The following NUP93 variants were observed in gnomAD, a reference collection of about 807,000 sequenced individuals.
NUP93 encodes the protein nucleoporin 93, also known as nuclear pore complex protein Nup93.
Under a neutral mutation model 107.8 loss-of-function variants are expected in NUP93, and 55 were observed. The observed-to-expected ratio is 0.51, with a 90% CI of 0.41 to 0.64. The LOEUF is 0.64. NUP93 is among the 30% of genes least tolerant of loss of function. The probability of loss-of-function intolerance (pLI) is 0.00; values close to 1 mark genes in which losing one functional copy is unlikely to be tolerated. For missense variants in NUP93, 937 were observed against 1,044.7 expected (o/e 0.90, Z 1.42); for synonymous variants, 390 against 397.5 (o/e 0.98, Z 0.22).
At chr16:56,795,868 A>G (rs1962886185) in intron 3 of NUP93, among the ~76,000 whole-genome samples, 1 of 152,064 alleles carries the variant, frequency 6.6e-6, no homozygotes, top group African/African-American at 2.4e-5. Flanking sequence ...GATGGTCTCG[A>G]ACTCCTGACC....
chr16:56,809,153 C>G (rs1327668912), intron 5 of NUP93, among the ~76,000 whole-genome samples: 1 of 152,114 alleles, frequency 6.6e-6, no homozygotes, highest in Non-Finnish European at 1.5e-5. Flanking sequence ...AAGATTGTCT[C>G]CCTTTATCTG....
chr16:56,777,022 G>T (rs564554291), intron 3 of NUP93, among the ~76,000 whole-genome samples: 1 of 151,728 alleles, frequency 6.6e-6, no homozygotes, highest in African/African-American at 2.4e-5. Context: ...GAGAGTGAGC[G>T]TGTGTGTGTG....
intron 8 of NUP93, among the ~76,000 whole-genome samples, chr16:56,824,668 C>T (rs1177700920): frequency 2.6e-5 from 4 of 152,194 alleles, no homozygotes; most frequent in African/African-American, 9.7e-5. Context: ...TGCCTTTTGT[C>T]AATAAAACGA....
At chr16:56,750,333 A>G (rs142260304) in intron 2 of NUP93, among the ~76,000 whole-genome samples, 22 of 152,340 alleles carry the variant, frequency 1.4e-4, no homozygotes, top group Non-Finnish European at 1.0e-4. Flanking sequence ...TGTGGTGTGA[A>G]TATTTTAGTA....
chr16:56,793,588 G>A (rs1962817328), intron 3 of NUP93, among the ~76,000 whole-genome samples: 1 of 152,118 alleles, frequency 6.6e-6, no homozygotes, highest in Admixed American at 6.5e-5. Context: ...CACAGGAGAA[G>A]GAGTTTGGAG....
At chr16:56,807,535 C>T (rs1963169182) in intron 5 of NUP93, among the ~76,000 whole-genome samples, 1 of 152,114 alleles carries the variant, frequency 6.6e-6, no homozygotes, top group South Asian at 2.1e-4. Context: ...TGTAGATGCT[C>T]AGGAAATATT....
chr16:56,811,845 G>A (rs1963322682), intron 5 of NUP93, among the ~76,000 whole-genome samples: 1 of 152,182 alleles, frequency 6.6e-6, no homozygotes, highest in Non-Finnish European at 1.5e-5. Context: ...CCAGTGCCTA[G>A]CATAGTGTAC....
rs564789665 is a variant in NUP93 at position 56,845,877 on chromosome 16, C to T, written c.*1268C>T. Reference sequence around the variant, plus strand: ...AAGAAATAATCTGTAGATAATGGAACCAACTGCTGCTTATCGGTAGGATTC... The same window carrying T: ...AAGAAATAATCTGTAGATAATGGAATCAACTGCTGCTTATCGGTAGGATTC... On this transcript the variant is annotated 3_prime_UTR_variant, in exon 22 of 22. Coordinates refer to ENST00000308159, the MANE Select transcript of NUP93 (RefSeq NM_014669.5). 3 of 152,322 alleles carry T rather than the reference C, an allele frequency of 2.0e-5. No individual in the cohort carries two copies. The South Asian group carries it at 6.2e-4, about 32-fold the overall frequency. 9.4% of individuals were successfully genotyped at this position (152,322 alleles called of 1,614,324 possible). A position where few individuals can be genotyped will look rare whatever the true frequency, so the allele number is the denominator to read the frequency against.
At chr16:56,762,892 G>A (rs1268372010) in intron 3 of NUP93, among the ~76,000 whole-genome samples, 1 of 152,110 alleles carries the variant, frequency 6.6e-6, no homozygotes, top group East Asian at 1.9e-4. Context: ...TCTTCCTTGT[G>A]TGTGTCAGGT....
At chr16:56,809,372 T>C (rs890122387) in intron 5 of NUP93, among the ~76,000 whole-genome samples, 6 of 151,650 alleles carry the variant, frequency 4.0e-5, no homozygotes, top group African/African-American at 1.5e-4. Context: ...TTAGTGATAA[T>C]GTAAAGCACC....
chr16:56,833,290 C>G lies in NUP93; in HGVS notation c.1421C>G (p.Ala474Gly). Residue 474 changes from alanine (A) to glycine (G), a missense_variant, in exon 13 of 22, where the codon GCA becomes GGA. By Grantham distance (60) the Ala-to-Gly change is moderately conservative. Transcript: ENST00000308159. ...QVLFLTAQFE[A>G]AVAFLFRMER... ...CTGTTCCTGACAGCGCAGTTTGAAG[C>G]AGCAGTTGCCTTTCTTTTCCGCATG... The G allele has an allele frequency of 6.2e-7, 1 of 1,607,250 alleles. No homozygotes were observed. The highest frequency in any genetic ancestry group is 8.5e-7 in the Non-Finnish European group (1 of 1,177,866).
chr16:56,833,618 A>G (rs1370619340), intron 13 of NUP93, among the ~76,000 whole-genome samples: 2 of 134,792 alleles, frequency 1.5e-5, no homozygotes, highest in Non-Finnish European at 3.1e-5. Flanking sequence ...AAAGTTAAGT[A>G]TATAAAGTGA....
intron 8 of NUP93, among the ~76,000 whole-genome samples, chr16:56,824,649 C>T (rs1963620215): frequency 6.6e-6 from 1 of 152,220 alleles, no homozygotes; most frequent in Non-Finnish European, 1.5e-5. Context: ...AGCAGCCTTG[C>T]AGTAAGATTG....
intron 3 of NUP93, among the ~76,000 whole-genome samples, chr16:56,771,352 A>C (rs912646626): frequency 6.6e-6 from 1 of 152,204 alleles, no homozygotes; most frequent in Non-Finnish European, 1.5e-5. Flanking sequence ...TAAAAGGTGG[A>C]ACTTGAACCC....
intron 1 of NUP93, among the ~76,000 whole-genome samples, chr16:56,735,987 A>G (rs928727418): frequency 2.0e-5 from 3 of 152,176 alleles, no homozygotes; most frequent in Non-Finnish European, 2.9e-5. Flanking sequence ...TGGGGATGAA[A>G]GCAATAGTTA....
intron 3 of NUP93, among the ~76,000 whole-genome samples, chr16:56,792,056 T>C (rs1231771982): frequency 6.6e-6 from 1 of 152,218 alleles, no homozygotes; most frequent in Non-Finnish European, 1.5e-5. Context: ...GGCAAGAATG[T>C]ATAATCCCAG....
At chr16:56,741,745 A>G (rs1961743756) in intron 1 of NUP93, 1 of 152,008 alleles carries the variant, frequency 6.6e-6, no homozygotes, top group South Asian at 2.1e-4. Context: ...GACAACATCA[A>G]AAAAAATAGC....
intron 1 of NUP93, among the ~76,000 whole-genome samples, chr16:56,739,468 G>A (rs1376228029): frequency 4.9e-5 from 2 of 40,504 alleles, no homozygotes; most frequent in East Asian, 1.2e-3. Flanking sequence ...CAGTAGGGGC[G>A]GCCGGGCAGA....
intron 21 of NUP93, chr16:56,842,632 AACCTCT>A (rs773837112): frequency 2.2e-6 from 1 of 451,154 alleles, no homozygotes; most frequent in South Asian, 1.6e-5. Context: ...AGCTCACTGC[AACCTCT>A]ACCTCTTGGG....
Sources: gnomAD v4.1 joint callset for allele counts (sites outside exome capture counted in the v4.1 genomes callset) on GRCh38, gnomAD v4.1.1 for gene constraint, MANE v1.5 for transcripts, NCBI Gene and HGNC (gene_info 2026-07-23, HGNC 2026-07-21) for gene names.